ERBB4: variants seen among roughly 807,000 people sequenced by gnomAD.
ERBB4 encodes the protein receptor tyrosine-protein kinase erbB-4.
Under a neutral mutation model 158.0 loss-of-function variants are expected in ERBB4, and 42 were observed. That is an observed-to-expected ratio of 0.27 (90% CI 0.21 to 0.34). ERBB4 has a LOEUF of 0.34. Among genes scored for constraint, ERBB4 ranks in the 10% least tolerant of loss-of-function variants. ERBB4 has a pLI of 1.00. For synonymous variants in ERBB4, 583 were observed against 558.7 expected (o/e 1.04, Z -0.61); for missense variants, 1,333 against 1,624.1 (o/e 0.82, Z 3.08).
At chr2:211,619,937 ATATT>A (rs1445965541) in intron 18 of ERBB4, among the ~76,000 whole-genome samples, 2 of 152,158 alleles carry the variant, frequency 1.3e-5, no homozygotes, top group Non-Finnish European at 2.9e-5. Context: ...GAAATATAAA[ATATT>A]TATATTGGCC....
chr2:211,748,690 G>A (rs1420095047), intron 5 of ERBB4, among the ~76,000 whole-genome samples: 1 of 152,174 alleles, frequency 6.6e-6, no homozygotes, highest in Non-Finnish European at 1.5e-5. Flanking sequence ...TGACCCCTCT[G>A]TAAAATAAAT....
chr2:211,992,107 G>A (rs1271658618), intron 2 of ERBB4, among the ~76,000 whole-genome samples: 1 of 151,954 alleles, frequency 6.6e-6, no homozygotes, highest in Non-Finnish European at 1.5e-5. Flanking sequence ...ACATTTTCAG[G>A]TATCTTTTCA....
At chr2:211,899,342 C>T (rs1458769446) in intron 3 of ERBB4, among the ~76,000 whole-genome samples, 1 of 152,098 alleles carries the variant, frequency 6.6e-6, no homozygotes, top group Non-Finnish European at 1.5e-5. Flanking sequence ...AGTAAACTAA[C>T]TGCCATATGA....
intron 14 of ERBB4, among the ~76,000 whole-genome samples, chr2:211,667,641 A>G (rs2071680898): frequency 6.6e-6 from 1 of 152,206 alleles, no homozygotes; most frequent in Non-Finnish European, 1.5e-5. Flanking sequence ...ACCATGACTT[A>G]TTGTACAAGA....
chr2:211,729,526 T>C (rs528555645), intron 5 of ERBB4, among the ~76,000 whole-genome samples: 1 of 151,784 alleles, frequency 6.6e-6, no homozygotes, highest in Admixed American at 6.6e-5. Context: ...TATTATTATA[T>C]GAGACTTGTA....
At chr2:211,435,648 T>C (rs2063833573) in intron 20 of ERBB4, among the ~76,000 whole-genome samples, 4 of 152,114 alleles carry the variant, frequency 2.6e-5, no homozygotes, top group Admixed American at 2.6e-4. Context: ...CTGAACCCAG[T>C]TGTGAACTGT....
Position 211,847,931 on chromosome 2 carries a change from T to C in ERBB4, c.422-59772A>G, listed in dbSNP as rs375644775. On this transcript the variant is annotated intron_variant, in intron 3 of 27. Coordinates refer to ENST00000342788, the MANE Select transcript of ERBB4 (RefSeq NM_005235.3). The stretch of plus-strand genomic sequence containing the variant: ...TATGTGGTTATAGTAATTACTCTTG[T>C]TGCAGATAAGAAAACTAAGAAGTAG... Among the ~76,000 whole-genome samples the C allele has an allele frequency of 6.8e-4, 104 of 152,254 alleles. 1 individual carries two copies. Among genetic ancestry groups the C allele is most frequent in the African/African-American group, 2.4e-3 (101 of 41,568 alleles).
At chr2:211,829,155 C>G (rs2077166868) in intron 3 of ERBB4, among the ~76,000 whole-genome samples, 1 of 152,152 alleles carries the variant, frequency 6.6e-6, no homozygotes. Flanking sequence ...AAGCTAGGAT[C>G]TTGATAATGA....
chr2:212,395,873 T>C (rs1312148792), intron 1 of ERBB4, among the ~76,000 whole-genome samples: 1 of 152,072 alleles, frequency 6.6e-6, no homozygotes, highest in Non-Finnish European at 1.5e-5. Flanking sequence ...TGCCTCGGCC[T>C]CCCAAAGTGA....
intron 1 of ERBB4, among the ~76,000 whole-genome samples, chr2:212,403,503 G>A (rs910186781): frequency 7.9e-5 from 12 of 152,000 alleles, no homozygotes; most frequent in South Asian, 4.2e-4. Flanking sequence ...CTAAATATAC[G>A]TTGCCAAGTA....
rs2073717247 is a variant in ERBB4 at position 211,711,954 on chromosome 2, T to C, written c.1124+96A>G. 6.4e-6 allele frequency: 7 copies of C among 1,086,376 alleles called. No homozygotes were observed. The Admixed American group carries it at 1.3e-4, about 20-fold the overall frequency. 67.3% of individuals were successfully genotyped at this position (1,086,376 alleles called of 1,614,324 possible). ...GGAGCATTAATGAAAGGTGAAACTC[T>C]TCAGCTTCCAGAGGAATCAAATAAA... On this transcript the variant is annotated intron_variant, in intron 9 of 27. Coordinates refer to ENST00000342788, the MANE Select transcript of ERBB4 (RefSeq NM_005235.3).
At chr2:212,029,449 C>T (rs548714825) in intron 2 of ERBB4, among the ~76,000 whole-genome samples, 1 of 152,090 alleles carries the variant, frequency 6.6e-6, no homozygotes, top group Non-Finnish European at 1.5e-5. Flanking sequence ...GAGTAACACC[C>T]AAACATAACT....
intron 1 of ERBB4, among the ~76,000 whole-genome samples, chr2:212,265,623 AT>A (rs2085106757): frequency 6.6e-6 from 1 of 152,040 alleles, no homozygotes; most frequent in Non-Finnish European, 1.5e-5. Context: ...TCCACTCAGC[AT>A]AAAAAATTAC....
intron 1 of ERBB4, among the ~76,000 whole-genome samples, chr2:212,537,950 T>A (rs984606290): frequency 6.6e-6 from 1 of 152,042 alleles, no homozygotes; most frequent in African/African-American, 2.4e-5. Context: ...GGCGCAGCGG[T>A]CGCCAGCAGC....
At chr2:211,722,294 A>G in intron 7 of ERBB4, 99 bp downstream of exon 7, 1 of 995,536 alleles carries the variant, frequency 1.0e-6, no homozygotes, top group Non-Finnish European at 1.6e-6. Flanking sequence ...AGTACTTATA[A>G]TATTCTTACA....
At chr2:212,477,135 A>C (rs972333595) in intron 1 of ERBB4, among the ~76,000 whole-genome samples, 3 of 152,168 alleles carry the variant, frequency 2.0e-5, no homozygotes, top group African/African-American at 4.8e-5. Context: ...AATCTGAACA[A>C]TAATAACTAC....
intron 2 of ERBB4, among the ~76,000 whole-genome samples, chr2:212,004,151 C>A (rs1046112189): frequency 5.9e-5 from 9 of 151,958 alleles, no homozygotes; most frequent in Non-Finnish European, 1.2e-4. Context: ...AACAATAAGG[C>A]AAAGAGATAT....
chr2:211,381,362 C>G lies in ERBB4; in HGVS notation c.*2253G>C, dbSNP rs1244552241. On this transcript the variant is annotated 3_prime_UTR_variant, in exon 28 of 28. Transcript: ENST00000342788. ...TCAGTGATGCAATATTCTCCTAGACCAGTTTATGTTTGAATAATATTATTG... is the reference window on the plus strand; with the variant it reads ...TCAGTGATGCAATATTCTCCTAGACGAGTTTATGTTTGAATAATATTATTG... 1 of 232,042 alleles carries G rather than the reference C, an allele frequency of 4.3e-6. No individual in the cohort carries two copies. Among genetic ancestry groups the G allele is most frequent in the East Asian group, 6.1e-5 (1 of 16,442 alleles). 14.4% of individuals were successfully genotyped at this position (232,042 alleles called of 1,614,324 possible). A position where few individuals can be genotyped will look rare whatever the true frequency, so the allele number is the denominator to read the frequency against.
At chr2:211,803,616 T>G (rs918888248) in intron 3 of ERBB4, among the ~76,000 whole-genome samples, 2 of 152,194 alleles carry the variant, frequency 1.3e-5, no homozygotes, top group Admixed American at 6.5e-5. Context: ...CAGAGGTTGG[T>G]TTTATTCAGA....
Sources: allele counts gnomAD v4.1 joint callset (sites outside exome capture counted in the v4.1 genomes callset), GRCh38; gene constraint gnomAD v4.1.1; transcripts MANE v1.5; gene names NCBI Gene and HGNC (gene_info 2026-07-23, HGNC 2026-07-21).